ZNF273: variants seen among roughly 807,000 people sequenced by gnomAD.
ZNF273 encodes zinc finger protein 273.
Under a neutral mutation model 14.9 loss-of-function variants are expected in ZNF273, and 11 were observed. The observed-to-expected ratio is 0.74, with a 90% CI of 0.46 to 1.22. The LOEUF is 1.22. Among genes scored for constraint, ZNF273 ranks in the 50% most tolerant of loss-of-function variants. The probability of loss-of-function intolerance (pLI) is 0.00; values close to 1 mark genes in which losing one functional copy is unlikely to be tolerated. For missense variants in ZNF273, 577 were observed against 660.6 expected (o/e 0.87, Z 1.39); for synonymous variants, 199 against 223.9 (o/e 0.89, Z 0.99).
upstream of ZNF273, among the ~76,000 whole-genome samples, chr7:64,900,568 G>A (rs554855479): frequency 6.6e-6 from 1 of 152,274 alleles, no homozygotes; most frequent in Admixed American, 6.5e-5. Flanking sequence ...TGTTCAACAT[G>A]GAGGCTCCAT....
At chr7:64,883,099 G>T (rs1017920997), downstream of ZNF273, among the ~76,000 whole-genome samples, 1 of 151,870 alleles carries the variant, frequency 6.6e-6, no homozygotes, top group East Asian at 1.9e-4. Context: ...CTTCTGGTAC[G>T]CCTCTGTGCG....
exon 4 of ZNF273, chr7:64,897,826 G>C (rs1830078): frequency 2.2e-4 from 33 of 147,320 alleles, no homozygotes; most frequent in African/African-American, 8.0e-4. Flanking sequence ...CCAGTCTCCC[G>C]TCTCAGTCTC....
intron 3 of ZNF273, among the ~76,000 whole-genome samples, chr7:64,920,482 G>GCCA (rs1350224537): frequency 2.3e-4 from 34 of 149,196 alleles, no homozygotes; most frequent in African/African-American, 4.2e-4. Flanking sequence ...AGGTCTGCAG[G>GCCA]TCTGTCCGCA....
chr7:64,928,869 A>C lies in ZNF273; in HGVS notation c.1541A>C (p.Tyr514Ser), dbSNP rs1794900348. The change falls in exon 4 of 4, where the codon TAC (tyrosine) becomes TCC (serine). Residue 514 changes from tyrosine to serine, a missense_variant. This residue lies in a region of ZNF273 where 411 missense variants were observed against 440.4 expected (regional missense o/e 0.93). Coordinates refer to ENST00000476120, the MANE Select transcript of ZNF273 (RefSeq NM_021148.3). ...HKRIHTGEKP[Y>S]KCEECGKAFN... ...AGAATTCATACTGGAGAGAAGCCCT[A>C]CAAATGTGAAGAATGTGGCAAAGCT... The C allele has an allele frequency of 6.2e-7, 1 of 1,614,016 alleles. No individual in the cohort carries two copies. Among genetic ancestry groups the C allele is most frequent in the Non-Finnish European group, 8.5e-7 (1 of 1,179,940 alleles).
In ZNF273 at chr7:64,928,925, A is replaced by G; in HGVS notation, c.1597A>G (p.Lys533Glu). Reference sequence around the variant, plus strand: ...CCGGTCCTCAAACCTTACTCGACATAAGAAAATTCATACTGGAGAGAAACC... The same window carrying G: ...CCGGTCCTCAAACCTTACTCGACATGAGAAAATTCATACTGGAGAGAAACC... ...FNRSSNLTRH[K>E]KIHTGEKPYK... is the part of the protein sequence containing the mutation. The change falls in exon 4 of 4, where the codon AAG (lysine) becomes GAG (glutamate). Residue 533 changes from lysine (K) to glutamate (E), a missense_variant. Physicochemically the swap from Lys to Glu is moderately conservative, Grantham distance 56 (BLOSUM62 1). Around this residue, in one of 3 missense-constraint regions of ZNF273, gnomAD observed 411 missense variants for 440.4 expected, o/e 0.93. Coordinates refer to ENST00000476120, the MANE Select transcript of ZNF273 (RefSeq NM_021148.3). 6.2e-7 allele frequency: 1 copy of G among 1,613,846 alleles called. No individual in the cohort carries two copies. Among genetic ancestry groups the G allele is most frequent in the African/African-American group, 1.3e-5 (1 of 75,050 alleles).
rs1160019228 is a variant in ZNF273 at position 64,928,712 on chromosome 7, G to A, written c.1384G>A (p.Glu462Lys). 7 of 1,606,376 alleles carry A rather than the reference G, an allele frequency of 4.4e-6. 1 individual carries two copies. In the African/African-American group the frequency reaches 5.4e-5, roughly 12 times the overall value. ...HTGAKPYKCE[E>K]CGSAFRAFST... The stretch of plus-strand genomic sequence containing the variant: ...TGGAGCAAAACCTTACAAATGTGAA[G>A]AATGTGGCAGTGCCTTTAGGGCATT... The change falls in exon 4 of 4, where the codon GAA becomes AAA. Residue 462 changes from glutamate to lysine, a missense_variant. Glu to Lys is a moderately conservative substitution (Grantham distance 56, BLOSUM62 1). Coordinates refer to ENST00000476120, the MANE Select transcript of ZNF273 (RefSeq NM_021148.3).
In ZNF273 at chr7:64,878,926, G is replaced by A. The variant is rs903325737; in HGVS notation, n.330+431G>A. 1.8e-4 allele frequency among the ~76,000 whole-genome samples: 28 copies of A among 152,214 alleles called. 1 individual carries two copies. The highest frequency in any genetic ancestry group is 5.8e-4 in the African/African-American group (24 of 41,446). Reference sequence around the variant, plus strand: ...CCATTGCATGACTCATTCCTTCTGAGCACTGTCACGTTTTAATGACTGGGC... The same window carrying A: ...CCATTGCATGACTCATTCCTTCTGAACACTGTCACGTTTTAATGACTGGGC... On this transcript the variant is annotated intron_variant and non_coding_transcript_variant, in intron 2 of 2. Coordinates refer to the ZNF273 transcript ENST00000465954.
At chr7:64,915,302 C>T (rs1213134921) in intron 1 of ZNF273, among the ~76,000 whole-genome samples, 2 of 150,866 alleles carry the variant, frequency 1.3e-5, no homozygotes, top group Non-Finnish European at 2.9e-5. Context: ...AACCCAGCGG[C>T]GCTAGAGGAA....
At chr7:64,918,925 T>A (rs1794226975) in intron 3 of ZNF273, among the ~76,000 whole-genome samples, 2 of 152,186 alleles carry the variant, frequency 1.3e-5, no homozygotes, top group Admixed American at 1.3e-4. Context: ...CACACAGATA[T>A]CTGCATAATT....
chr7:64,886,804 A>G (rs1419878328), intron 1 of ZNF273, among the ~76,000 whole-genome samples: 1 of 152,238 alleles, frequency 6.6e-6, no homozygotes, highest in Non-Finnish European at 1.5e-5. Flanking sequence ...TCAAAACAGT[A>G]ATTGATGCTC....
rs965657745 is a variant in ZNF273, at chr7:64,914,189, T to G, written c.103-3392T>G. 4.6e-3 allele frequency among the ~76,000 whole-genome samples: 580 copies of G among 126,880 alleles called. 16 individuals are homozygous for G. Among genetic ancestry groups the G allele is most frequent in the African/African-American group, 0.015 (532 of 34,722 alleles). 83.2% of individuals were successfully genotyped at this position (126,880 alleles called of 152,430 possible). ...CGTCCTGGTAATTTTTGTATTTTTT[T>G]TTTTTTTTTTTTTTTTTTTAGTACA... On this transcript the variant is annotated intron_variant, in intron 1 of 3. Transcript: ENST00000476120.
chr7:64,911,017 C>T lies in ZNF273; in HGVS notation c.103-6564C>T, dbSNP rs576430403. Among the ~76,000 whole-genome samples, 25 of 152,060 alleles carry T rather than the reference C, an allele frequency of 1.6e-4. 1 individual carries two copies. The highest frequency in any genetic ancestry group is 6.2e-4 in the South Asian group (3 of 4,802). On this transcript the variant is annotated intron_variant, in intron 1 of 3. Transcript: ENST00000476120. ...CTGACCCCAGGTGATCCACCCACCT[C>T]GGCTTCCCAAAGTGCTGGGATTACA... is the stretch of plus-strand genomic sequence containing the variant.
chr7:64,932,645 G>A (rs903842980), downstream of ZNF273, among the ~76,000 whole-genome samples: 6 of 152,016 alleles, frequency 3.9e-5, no homozygotes, highest in African/African-American at 7.2e-5. Context: ...AATCTGACTC[G>A]GCACGGTGGC....
chr7:64,910,762 A>ATTTT (rs34345525), intron 1 of ZNF273, among the ~76,000 whole-genome samples: 2 of 100,526 alleles, frequency 2.0e-5, no homozygotes, highest in Non-Finnish European at 2.0e-5. Context: ...TAAATCTGTA[A>ATTTT]TTTATTTTTT....
At chr7:64,922,712 C>A (rs1466261379) in intron 3 of ZNF273, among the ~76,000 whole-genome samples, 1 of 152,014 alleles carries the variant, frequency 6.6e-6, no homozygotes, top group Admixed American at 6.6e-5. Context: ...CACCTGTAAT[C>A]CCAGCACTTT....
rs112623708 is a variant in ZNF273 at position 64,914,408 on chromosome 7, T to TA, written c.103-3164dup. On this transcript the variant is annotated intron_variant, in intron 1 of 3. Transcript: ENST00000476120. Reference sequence around the variant, plus strand: ...ATTTTTATTTCTTTTACCTTGCCATTAAAAAAAAATTGGCAACAGCCACAG... The same window carrying TA: ...ATTTTTATTTCTTTTACCTTGCCATTAAAAAAAAAATTGGCAACAGCCACAG... Among the ~76,000 whole-genome samples the TA allele has an allele frequency of 3.0e-4, 45 of 150,176 alleles. 1 individual carries two copies. The highest frequency in any genetic ancestry group is 5.2e-4 in the Non-Finnish European group (35 of 67,500).
chr7:64,896,357 A>G (rs537147074), intron 3 of ZNF273, among the ~76,000 whole-genome samples: 1 of 152,344 alleles, frequency 6.6e-6, no homozygotes, highest in Non-Finnish European at 1.5e-5. Flanking sequence ...CAAAAACCAC[A>G]CAAACTAAAA....
downstream of ZNF273, among the ~76,000 whole-genome samples, chr7:64,892,197 CA>C (rs908686233): frequency 5.3e-5 from 8 of 151,314 alleles, no homozygotes; most frequent in African/African-American, 9.7e-5. Context: ...CTTTCATAGA[CA>C]AAAAAAACAG....
upstream of ZNF273, among the ~76,000 whole-genome samples, chr7:64,902,869 A>G (rs991482208): frequency 6.6e-6 from 1 of 152,224 alleles, no homozygotes; most frequent in Non-Finnish European, 1.5e-5. Context: ...CAGTGAGCAG[A>G]GGGGTGACTT....
Sources: gnomAD v4.1 joint callset for allele counts (sites outside exome capture counted in the v4.1 genomes callset) on GRCh38, gnomAD v4.1.1 for gene constraint, gnomAD v4.1.1 regional missense constraint, MANE v1.5 for transcripts, NCBI Gene and HGNC (gene_info 2026-07-23, HGNC 2026-07-21) for gene names.